TCEA3: variants seen among roughly 807,000 people sequenced by gnomAD.
TCEA3 encodes transcription elongation factor A3, also known as transcription elongation factor A protein 3.
TCEA3 carries 36 observed loss-of-function variants against 44.0 expected under a neutral mutation model. The observed-to-expected ratio is 0.82, with a 90% CI of 0.63 to 1.08. The LOEUF is 1.08. Among genes scored for constraint, TCEA3 ranks in the 50% least tolerant of loss-of-function variants. The probability of loss-of-function intolerance (pLI) is 0.00; values close to 1 mark genes in which losing one functional copy is unlikely to be tolerated. For missense variants in TCEA3, 392 were observed against 441.2 expected, an observed-to-expected ratio of 0.89 and a Z score of 1.00; for synonymous variants, 162 against 159.7, an observed-to-expected ratio of 1.01 and a Z score of -0.11.
At chr1:23,409,670 C>T (rs923685637) in intron 4 of TCEA3, among the ~76,000 whole-genome samples, 1 of 152,078 alleles carries the variant, frequency 6.6e-6, no homozygotes, top group African/African-American at 2.4e-5. Context: ...GCCTCAGCCT[C>T]CTGGGTAGCT....
At chr1:23,409,924 G>C (rs1639663239) in intron 4 of TCEA3, among the ~76,000 whole-genome samples, 1 of 151,974 alleles carries the variant, frequency 6.6e-6, no homozygotes, top group African/African-American at 2.4e-5. Flanking sequence ...CATTTGGTGG[G>C]TTTTGGTCAC....
In TCEA3 at chr1:23,386,878, A is replaced by G. The variant is rs571092632; in HGVS notation, c.966+395T>C. ...TGGGACTACAGGTGCCCGCCACCAC[A>G]CCCTGCTAATTTTTTGAATTTTTAG... is the stretch of plus-strand genomic sequence containing the variant. On this transcript the variant is annotated intron_variant, in intron 9 of 10. Coordinates refer to ENST00000450454, the MANE Select transcript of TCEA3 (RefSeq NM_003196.3). Among the ~76,000 whole-genome samples, 13 of 152,140 alleles carry G rather than the reference A, an allele frequency of 8.5e-5. No individual in the cohort carries two copies. The South Asian group carries it at 2.3e-3, about 27-fold the overall frequency.
chr1:23,397,067 C>T (rs954861173), intron 7 of TCEA3, among the ~76,000 whole-genome samples: 13 of 150,676 alleles, frequency 8.6e-5, no homozygotes, highest in African/African-American at 2.9e-4. Flanking sequence ...AGGGAAAAGG[C>T]TGAGCATGGG....
intron 1 of TCEA3, among the ~76,000 whole-genome samples, chr1:23,422,911 C>T (rs540190092): frequency 7.9e-5 from 12 of 152,352 alleles, no homozygotes; most frequent in African/African-American, 2.6e-4. Flanking sequence ...CCCAAGCAGC[C>T]TGCCTCTCCT....
intron 5 of TCEA3, among the ~76,000 whole-genome samples, chr1:23,407,083 G>A (rs1488286821): frequency 6.6e-6 from 1 of 152,108 alleles, no homozygotes; most frequent in African/African-American, 2.4e-5. Flanking sequence ...AGCCTGATTT[G>A]CATAAGCACA....
chr1:23,411,629 A>G (rs907185112), intron 4 of TCEA3: 1 of 157,474 alleles, frequency 6.4e-6, no homozygotes, highest in African/African-American at 2.4e-5. Context: ...AAAGAAAAGA[A>G]CAGGTTTTCC....
At chr1:23,408,609 AG>A in intron 5 of TCEA3, 54 bp downstream of exon 5, 2 of 1,555,292 alleles carry the variant, frequency 1.3e-6, no homozygotes, top group Admixed American at 3.8e-5. Flanking sequence ...AAAACAGAGA[AG>A]GGGACACAGG....
rs1317764529 is a variant in TCEA3, at chr1:23,408,693, G to A, written c.414C>T (p.Ser138=). The change falls in exon 5 of 11, where the codon TCC becomes TCT. Residue 138 remains serine, a synonymous_variant. Coordinates refer to ENST00000450454, the MANE Select transcript of TCEA3 (RefSeq NM_003196.3). ...RDSVDSKSSA[S]SSPKRPSVER... The stretch of plus-strand genomic sequence containing the variant: ...CCACCGATGGTCTTTTTGGAGAGGA[G>A]GAGGCAGAAGACTTGGAGTCCACAG... 1 of 1,611,736 alleles carries A rather than the reference G, an allele frequency of 6.2e-7. No individual in the cohort carries two copies. The highest frequency in any genetic ancestry group is 8.5e-7 in the Non-Finnish European group (1 of 1,179,066).
Position 23,402,872 on chromosome 1 carries a change from T to C in TCEA3, c.444-4917A>G, listed in dbSNP as rs74062709. 4.5e-3 allele frequency among the ~76,000 whole-genome samples: 683 copies of C among 152,216 alleles called. 8 individuals are homozygous for C. The highest frequency in any genetic ancestry group is 0.015 in the African/African-American group (640 of 41,506). ...AATGAATAAATGAATGAATACATGA[T>C]GAATTGAGGAACTGACCACAGAGAG... On this transcript the variant is annotated intron_variant, in intron 5 of 10. Coordinates refer to ENST00000450454, the MANE Select transcript of TCEA3 (RefSeq NM_003196.3).
intron 5 of TCEA3, 61 bp from the exon 6 acceptor site, chr1:23,398,016 G>GCAAGA (rs1447483093): frequency 6.3e-7 from 1 of 1,578,068 alleles, no homozygotes; most frequent in Non-Finnish European, 8.6e-7. Flanking sequence ...TTATTGAGCA[G>GCAAGA]CATTCTAGAT....
chr1:23,412,829 A>G (rs572722308), intron 4 of TCEA3, among the ~76,000 whole-genome samples: 10 of 152,372 alleles, frequency 6.6e-5, no homozygotes, highest in African/African-American at 2.2e-4. Context: ...GATGTGCACA[A>G]ATATTTCCCA....
At chr1:23,399,352 T>C (rs1639328278) in intron 5 of TCEA3, among the ~76,000 whole-genome samples, 1 of 151,732 alleles carries the variant, frequency 6.6e-6, no homozygotes, top group Non-Finnish European at 1.5e-5. Flanking sequence ...CTCTCTTTGC[T>C]TGTGAATGGC....
In TCEA3 at chr1:23,408,694, G is replaced by A. The variant is rs1639623501; in HGVS notation, c.413C>T (p.Ser138Phe). ...RDSVDSKSSA[S>F]SSPKRPSVER... is the part of the protein sequence containing the mutation. ...CACCGATGGTCTTTTTGGAGAGGAG[G>A]AGGCAGAAGACTTGGAGTCCACAGA... The change falls in exon 5 of 11, where the codon TCC (serine) becomes TTC (phenylalanine). Residue 138 changes from serine (S) to phenylalanine (F), a missense_variant. Ser to Phe is a radical substitution (Grantham distance 155, BLOSUM62 -2). Transcript: ENST00000450454. 1 of 1,611,696 alleles carries A rather than the reference G, an allele frequency of 6.2e-7. No homozygotes were observed. Among genetic ancestry groups the A allele is most frequent in the Non-Finnish European group, 8.5e-7 (1 of 1,179,026 alleles).
At chr1:23,409,127 A>G (rs12135867) in intron 4 of TCEA3, among the ~76,000 whole-genome samples, 5,704 of 152,224 alleles carry the variant, frequency 0.037, 146 homozygotes, top group Middle Eastern at 0.15. Flanking sequence ...GAAACAGAGA[A>G]ATCAGCTTCA....
intron 10 of TCEA3, among the ~76,000 whole-genome samples, chr1:23,382,492 G>A (rs926334105): frequency 5.9e-5 from 9 of 152,156 alleles, no homozygotes; most frequent in African/African-American, 1.9e-4. Context: ...TTTTTGTATG[G>A]TTGTATAATT....
At chr1:23,399,144 GTATATATATATATATATATATATA>G (rs60424866) in intron 5 of TCEA3, among the ~76,000 whole-genome samples, 4 of 61,166 alleles carry the variant, frequency 6.5e-5, no homozygotes, top group Non-Finnish European at 9.4e-5. Flanking sequence ...ATGTATATAT[GTATATATATATATATATATATATA>G]TATATATATA....
At chr1:23,414,427 G>A (rs4648901) in intron 4 of TCEA3, among the ~76,000 whole-genome samples, 95,276 of 151,816 alleles carry the variant, frequency 0.63, 35,134 homozygotes, top group Non-Finnish European at 0.81. Context: ...TTTTAAGACG[G>A]AGTCTAGTTC....
At position 23,393,896 on chromosome 1, in the gene TCEA3, C is replaced by G. The variant is rs745673131; in HGVS notation, c.802G>C (p.Ala268Pro). 6.2e-7 allele frequency: 1 copy of G among 1,613,714 alleles called. No homozygotes were observed. The highest frequency in any genetic ancestry group is 1.1e-5 in the South Asian group (1 of 91,080). The change falls in exon 8 of 11, where the codon GCC becomes CCC. Residue 268 changes from alanine (A) to proline (P), a missense_variant. By Grantham distance (27) the Ala-to-Pro change is conservative. Coordinates refer to ENST00000450454, the MANE Select transcript of TCEA3 (RefSeq NM_003196.3). ...LSGAISAGLI[A>P]KMTAEEMASD... ...GCTCTCACCTCTGCCGTCATCTTGG[C>G]TATAAGCCCTGCGGAGATGGCCCCA... is the stretch of plus-strand genomic sequence containing the variant.
At chr1:23,383,588 C>T (rs913184984) in intron 10 of TCEA3, 1 of 985,122 alleles carries the variant, frequency 1.0e-6, no homozygotes, top group Non-Finnish European at 1.2e-6. Context: ...GACCTGAAAC[C>T]AGGGATCCTG....
Sources: gnomAD v4.1 joint callset for allele counts (sites outside exome capture counted in the v4.1 genomes callset) on GRCh38, gnomAD v4.1.1 for gene constraint, MANE v1.5 for transcripts, NCBI Gene and HGNC (gene_info 2026-07-23, HGNC 2026-07-21) for gene names.